Variants in SUMF1 observed in about 807,000 individuals in gnomAD.
SUMF1 encodes the protein sulfatase modifying factor 1.
SUMF1 carries 48 observed loss-of-function variants against 47.6 expected under a neutral mutation model. The ratio of observed to expected loss-of-function variants is 1.01; its 90% CI spans 0.80 to 1.28. SUMF1 has a LOEUF of 1.28. Ranked by LOEUF, SUMF1 falls within the 50% of genes most tolerant of loss-of-function variation. SUMF1 has a pLI of 0.00. For synonymous variants in SUMF1, 230 were observed against 192.1 expected (o/e 1.20, Z -1.63); for missense variants, 571 against 485.4 (o/e 1.18, Z -1.66).
At chr3:4,251,711 C>T (rs948123742) in intron 8 of SUMF1, among the ~76,000 whole-genome samples, 1 of 152,162 alleles carries the variant, frequency 6.6e-6, no homozygotes, top group Non-Finnish European at 1.5e-5. Flanking sequence ...CAGATAGCAT[C>T]TTCTTCTATT....
At chr3:4,232,543 C>T (rs905257016) in intron 8 of SUMF1, among the ~76,000 whole-genome samples, 5 of 151,694 alleles carry the variant, frequency 3.3e-5, no homozygotes, top group Non-Finnish European at 7.4e-5. Flanking sequence ...GAGAATGGTC[C>T]CTCAAAGGAA....
At chr3:4,379,448 G>A (rs1700429839) in intron 7 of SUMF1, among the ~76,000 whole-genome samples, 1 of 152,202 alleles carries the variant, frequency 6.6e-6, no homozygotes, top group Admixed American at 6.5e-5. Context: ...AAGGATTCCT[G>A]GAAGTCACCA....
chr3:4,223,109 A>G (rs190288896), intron 8 of SUMF1, among the ~76,000 whole-genome samples: 3 of 152,222 alleles, frequency 2.0e-5, no homozygotes, highest in Admixed American at 2.0e-4. Flanking sequence ...ACAAAGATAT[A>G]CCTTTTTAAA....
intron 8 of SUMF1, among the ~76,000 whole-genome samples, chr3:4,069,610 T>A (rs1695469537): frequency 6.6e-6 from 1 of 152,106 alleles, no homozygotes; most frequent in Non-Finnish European, 1.5e-5. Flanking sequence ...AAAGGGAGTG[T>A]GAGGTGAGTG....
rs547728029 is a variant in SUMF1, at chr3:4,229,131, C to T, written c.1014+147199G>A. Among the ~76,000 whole-genome samples, 5 of 152,258 alleles carry T rather than the reference C, an allele frequency of 3.3e-5. No individual in the cohort carries two copies. The East Asian group carries it at 5.8e-4, about 18-fold the overall frequency. On this transcript the variant is annotated intron_variant and NMD_transcript_variant, in intron 8 of 12. Transcript: ENST00000448413. ...CCAAGTGAAATAAAACAAGGACATA[C>T]ATACAGATAAGTAAAATGTTGAACA...
Position 4,313,313 on chromosome 3 carries a change from A to G in SUMF1, c.1014+63017T>C, listed in dbSNP as rs775180741. ...CACTTACAAACAAAATCCGACTCCA[A>G]TTACATTATAGCCATCAGGGAACAT... On this transcript the variant is annotated intron_variant and NMD_transcript_variant, in intron 8 of 12. Coordinates refer to the SUMF1 transcript ENST00000448413. 1.7e-5 allele frequency: 27 copies of G among 1,614,068 alleles called. No individual in the cohort carries two copies. In the South Asian group the frequency reaches 1.9e-4, roughly 11 times the overall value.
intron 8 of SUMF1, among the ~76,000 whole-genome samples, chr3:4,310,688 G>T (rs962173004): frequency 4.6e-5 from 7 of 152,040 alleles, no homozygotes; most frequent in African/African-American, 1.4e-4. Flanking sequence ...TTTTAAATTT[G>T]TAAGTAAAAA....
intron 8 of SUMF1, among the ~76,000 whole-genome samples, chr3:4,244,809 G>C (rs1696624042): frequency 6.6e-6 from 1 of 152,006 alleles, no homozygotes; most frequent in South Asian, 2.1e-4. Flanking sequence ...GCTAGGTTGG[G>C]GAAGTTCTCC....
At chr3:4,234,162 C>T (rs900622023) in intron 8 of SUMF1, among the ~76,000 whole-genome samples, 2 of 152,218 alleles carry the variant, frequency 1.3e-5, no homozygotes, top group African/African-American at 4.8e-5. Flanking sequence ...CTGGTCCTGA[C>T]TCTTGTTTCT....
chr3:4,414,100 G>A (rs2125020415), intron 6 of SUMF1, among the ~76,000 whole-genome samples: 1 of 152,242 alleles, frequency 6.6e-6, no homozygotes, highest in African/African-American at 2.4e-5. Flanking sequence ...CCTGAGCTCA[G>A]GCAATCCACC....
chr3:4,313,906 C>G, intron 8 of SUMF1: 1 of 1,392,856 alleles, frequency 7.2e-7, no homozygotes, highest in Non-Finnish European at 9.6e-7. Flanking sequence ...TTTCCCCTTT[C>G]TGTAATAGAA....
At position 4,418,249 on chromosome 3, in the gene SUMF1, C is replaced by G. The variant is rs542276546; in HGVS notation, c.603-117G>C. Reference sequence around the variant, plus strand: ...TTCAATCTGTGACACTGAGGTCATCCTGGTCCTTAAGTCAAACCCCAGCCA... The same window carrying G: ...TTCAATCTGTGACACTGAGGTCATCGTGGTCCTTAAGTCAAACCCCAGCCA... On this transcript the variant is annotated intron_variant, in intron 4 of 8. Transcript: ENST00000272902. 9.6e-6 allele frequency: 14 copies of G among 1,465,958 alleles called. No homozygotes were observed. The East Asian group carries it at 3.1e-4, about 32-fold the overall frequency. 90.8% of individuals were successfully genotyped at this position (1,465,958 alleles called of 1,614,324 possible).
intron 8 of SUMF1, among the ~76,000 whole-genome samples, chr3:4,363,379 T>C (rs1699834801): frequency 6.6e-6 from 1 of 152,022 alleles, no homozygotes; most frequent in Non-Finnish European, 1.5e-5. Flanking sequence ...TCCATTTCTT[T>C]GTATCCTCTT....
At chr3:4,208,191 T>G (rs1000697325) in intron 8 of SUMF1, among the ~76,000 whole-genome samples, 1 of 152,016 alleles carries the variant, frequency 6.6e-6, no homozygotes. Flanking sequence ...CTCCAGCCAA[T>G]TCTAGCCTTC....
chr3:4,199,562 G>T (rs910172167), intron 8 of SUMF1, among the ~76,000 whole-genome samples: 2 of 152,092 alleles, frequency 1.3e-5, no homozygotes, highest in African/African-American at 4.8e-5. Context: ...ATTTTTCAAA[G>T]TGGCTATATC....
intron 8 of SUMF1, among the ~76,000 whole-genome samples, chr3:4,321,129 G>A (rs2125116571): frequency 6.6e-6 from 1 of 152,272 alleles, no homozygotes; most frequent in East Asian, 1.9e-4. Flanking sequence ...AAGGAAGGAT[G>A]ATCCATGTGG....
chr3:4,319,057 G>A (rs1330888022), intron 8 of SUMF1, among the ~76,000 whole-genome samples: 8 of 152,332 alleles, frequency 5.3e-5, no homozygotes, highest in Non-Finnish European at 8.8e-5. Context: ...AAAACTATAA[G>A]TTATCCCTTA....
At chr3:4,233,729 G>C (rs1696350473) in intron 8 of SUMF1, among the ~76,000 whole-genome samples, 1 of 152,154 alleles carries the variant, frequency 6.6e-6, no homozygotes, top group African/African-American at 2.4e-5. Context: ...TCTTAAGGGA[G>C]TCCCTGAACC....
intron 8 of SUMF1, among the ~76,000 whole-genome samples, chr3:4,369,038 A>G (rs1700083058): frequency 2.6e-5 from 3 of 117,010 alleles, no homozygotes; most frequent in East Asian, 2.1e-4. Flanking sequence ...ATAAGTTGGC[A>G]TGCAAAAGGT....
Sources: allele counts gnomAD v4.1 joint callset (sites outside exome capture counted in the v4.1 genomes callset), GRCh38; gene constraint gnomAD v4.1.1; transcripts MANE v1.5; gene names NCBI Gene and HGNC (gene_info 2026-07-23, HGNC 2026-07-21).